The following ZMYM2 variants were observed in gnomAD, a reference collection of about 807,000 sequenced individuals.
ZMYM2 encodes zinc finger MYM-type containing 2, also known as zinc finger MYM-type protein 2.
In ZMYM2, 56 loss-of-function variants were observed where a neutral mutation model predicts 162.8. The ratio of observed to expected loss-of-function variants is 0.34; its 90% CI spans 0.28 to 0.43. The LOEUF is 0.43. ZMYM2 is among the 20% of genes least tolerant of loss of function. The pLI is 1.00. For synonymous variants in ZMYM2, 510 were observed against 541.6 expected (o/e 0.94, Z 0.81); for missense variants, 1,275 against 1,621.8 (o/e 0.79, Z 3.67).
Position 20,064,550 on chromosome 13 carries a change from A to G in ZMYM2, c.3132+5A>G. On this transcript the variant is annotated splice_donor_5th_base_variant and intron_variant, in intron 19 of 24. Coordinates refer to ENST00000610343, the MANE Select transcript of ZMYM2 (RefSeq NM_197968.4). ...AGACCTCGATCTAAAAAAAAGGTAC[A>G]TTCACTTAATAGCCTATATAACAAT... 3 of 1,565,772 alleles carry G rather than the reference A, an allele frequency of 1.9e-6. No homozygotes were observed. Among genetic ancestry groups the G allele is most frequent in the South Asian group, 1.2e-5 (1 of 84,398 alleles).
At chr13:20,008,322 G>A (rs891566206) in intron 6 of ZMYM2, among the ~76,000 whole-genome samples, 1 of 152,050 alleles carries the variant, frequency 6.6e-6, no homozygotes, top group Non-Finnish European at 1.5e-5. Flanking sequence ...GTAGCGATTG[G>A]GTTTCACCAT....
chr13:19,962,396 C>G (rs941883553), intron 2 of ZMYM2, among the ~76,000 whole-genome samples: 1 of 149,536 alleles, frequency 6.7e-6, no homozygotes, highest in Non-Finnish European at 1.5e-5. Flanking sequence ...TCCTGTCTCT[C>G]TAGCATTAAT....
chr13:19,893,961 A>G, the ZMYM2 span, among the ~76,000 whole-genome samples: 2 of 151,838 alleles, frequency 1.3e-5, no homozygotes, highest in Admixed American at 1.3e-4. Context: ...TTCTGAATTC[A>G]ATAATATAAT....
At position 19,993,272 on chromosome 13, in the gene ZMYM2, A is replaced by G. The variant is rs1221205816; in HGVS notation, c.200A>G (p.Gln67Arg). Residue 67 changes from glutamine to arginine, a missense_variant, in exon 3 of 25, where the codon CAA becomes CGA. This residue lies in a region of ZMYM2 where 295 missense variants were observed against 286.7 expected (regional missense o/e 1.03). Transcript: ENST00000610343. ...GATGTTGTTTTTATCGAACCTGTAC[A>G]ACCTCCCCCACCTTCTGTACCAGTG... ...DDDVVFIEPV[Q>R]PPPPSVPVVA... is the part of the protein sequence containing the mutation. 1.2e-6 allele frequency: 2 copies of G among 1,613,840 alleles called. No homozygotes were observed. The highest frequency in any genetic ancestry group is 1.3e-5 in the African/African-American group (1 of 74,920).
At chr13:19,955,541 T>G (rs1954486239), upstream of ZMYM2, among the ~76,000 whole-genome samples, 1 of 152,218 alleles carries the variant, frequency 6.6e-6, no homozygotes, top group Non-Finnish European at 1.5e-5. Flanking sequence ...TACATCTCAA[T>G]TAACGGTGAG....
At chr13:20,021,622 G>A (rs73428070) in intron 7 of ZMYM2, among the ~76,000 whole-genome samples, 1,966 of 152,214 alleles carry the variant, frequency 0.013, 39 homozygotes, top group African/African-American at 0.045. Context: ...GATACCTGGA[G>A]AGATCTGAAT....
intron 2 of ZMYM2, among the ~76,000 whole-genome samples, chr13:19,987,657 G>GTGTGTGTA (rs1393342177): frequency 1.4e-5 from 2 of 143,044 alleles, no homozygotes; most frequent in East Asian, 2.0e-4. Context: ...GTGTGTGTGT[G>GTGTGTGTA]TATAGGAAAG....
At chr13:20,044,452 T>C (rs1954573282) in intron 12 of ZMYM2, among the ~76,000 whole-genome samples, 1 of 152,126 alleles carries the variant, frequency 6.6e-6, no homozygotes, top group South Asian at 2.1e-4. Context: ...CTCTCTGTCT[T>C]CCCTCCTCTA....
At chr13:19,927,946 G>C in the ZMYM2 span, among the ~76,000 whole-genome samples, 1 of 152,078 alleles carries the variant, frequency 6.6e-6, no homozygotes, top group African/African-American at 2.4e-5. Flanking sequence ...CCATCTTCAT[G>C]AACTCTGTTC....
At chr13:19,918,182 C>T in the ZMYM2 span, among the ~76,000 whole-genome samples, 3 of 152,068 alleles carry the variant, frequency 2.0e-5, no homozygotes, top group South Asian at 2.1e-4. Flanking sequence ...TAGTGGCTCA[C>T]GCCTGTAATC....
intron 21 of ZMYM2, among the ~76,000 whole-genome samples, chr13:20,079,535 G>A (rs1284713605): frequency 6.6e-6 from 1 of 151,978 alleles, no homozygotes; most frequent in African/African-American, 2.4e-5. Flanking sequence ...AAGGGCTTTG[G>A]TGCTAAGGGA....
intron 9 of ZMYM2, 35 bp from the exon 10 acceptor site, chr13:20,031,284 A>G (rs781380896): frequency 5.6e-6 from 8 of 1,424,196 alleles, no homozygotes; most frequent in Admixed American, 2.0e-5. Flanking sequence ...TCAAACATAC[A>G]TGTCAGGCTT....
At chr13:20,032,114 G>A (rs944078073) in intron 10 of ZMYM2, among the ~76,000 whole-genome samples, 1 of 151,822 alleles carries the variant, frequency 6.6e-6, no homozygotes, top group African/African-American at 2.4e-5. Context: ...CAACTGATCC[G>A]CCCACCTCAG....
intron 2 of ZMYM2, among the ~76,000 whole-genome samples, chr13:19,978,306 TACAA>T (rs756519894): frequency 7.9e-5 from 12 of 152,196 alleles, no homozygotes; most frequent in East Asian, 1.9e-4. Context: ...TTCAGAAGTA[TACAA>T]ACACTCTACT....
At chr13:19,888,682 C>T in the ZMYM2 span, among the ~76,000 whole-genome samples, 1 of 151,846 alleles carries the variant, frequency 6.6e-6, no homozygotes. Context: ...TCATTGCAAC[C>T]TCTGTCTCCT....
rs8002671 is a variant in ZMYM2, at chr13:19,965,164, T to C, written c.-11+5138T>C. On this transcript the variant is annotated intron_variant, in intron 2 of 24. Transcript: ENST00000610343. ...GCACAGTTAGAAGTTGCAGACAGAATAATGTTTGTAAAATGTGACTATAAT... is the reference window on the plus strand; with the variant it reads ...GCACAGTTAGAAGTTGCAGACAGAACAATGTTTGTAAAATGTGACTATAAT... 1,946 of 1,042,542 alleles carry C rather than the reference T, an allele frequency of 1.9e-3. 23 individuals carry two copies. The African/African-American group carries it at 0.029, about 15-fold the overall frequency. The allele number at this position is 1,042,542 out of a possible 1,614,324, so 64.6% of individuals were successfully genotyped here. A position where few individuals can be genotyped will look rare whatever the true frequency, so the allele number is the denominator to read the frequency against.
the ZMYM2 span, among the ~76,000 whole-genome samples, chr13:19,896,264 C>T: frequency 6.6e-6 from 1 of 151,532 alleles, no homozygotes. Context: ...CTGTCTCAGC[C>T]TCCTGAGTAG....
chr13:20,088,181 T>C lies in ZMYM2; in HGVS notation c.*2167T>C. 1 of 206,536 alleles carries C rather than the reference T, an allele frequency of 4.8e-6. No individual in the cohort carries two copies. Among genetic ancestry groups the C allele is most frequent in the Non-Finnish European group, 9.9e-6 (1 of 100,936 alleles). 12.8% of individuals were successfully genotyped at this position (206,536 alleles called of 1,614,324 possible). On this transcript the variant is annotated 3_prime_UTR_variant, in exon 25 of 25. Transcript: ENST00000610343. The stretch of plus-strand genomic sequence containing the variant: ...TTTAGAGCTCTTGTCTTTGTCTTGA[T>C]TGCAATCCAACGATAGATTAACTTG...
rs976219780 is a variant in ZMYM2 at position 19,986,596 on chromosome 13, T to C, written c.-10-6467T>C. Among the ~76,000 whole-genome samples the C allele has an allele frequency of 3.9e-5, 6 of 152,170 alleles. 1 individual carries two copies. The highest frequency in any genetic ancestry group is 1.3e-4 in the Admixed American group (2 of 15,282). Reference sequence around the variant, plus strand: ...ATTTGAAAAAAAAATTTTTAACATTTCTATTACAGAAAGTTTTAAAAATTG... The same window carrying C: ...ATTTGAAAAAAAAATTTTTAACATTCCTATTACAGAAAGTTTTAAAAATTG... On this transcript the variant is annotated intron_variant, in intron 2 of 24. Coordinates refer to ENST00000610343, the MANE Select transcript of ZMYM2 (RefSeq NM_197968.4).
Sources: allele counts gnomAD v4.1 joint callset (sites outside exome capture counted in the v4.1 genomes callset), GRCh38; gene constraint gnomAD v4.1.1; regional missense constraint gnomAD v4.1.1; transcripts MANE v1.5; gene names NCBI Gene and HGNC (gene_info 2026-07-23, HGNC 2026-07-21).